ADCYAP1R1: variants seen among roughly 807,000 people sequenced by gnomAD.
ADCYAP1R1 encodes the protein ADCYAP receptor type I.
ADCYAP1R1 carries 44 observed loss-of-function variants against 67.6 expected under a neutral mutation model. The ratio of observed to expected loss-of-function variants is 0.65; its 90% CI spans 0.51 to 0.84. The LOEUF is 0.84. Ranked by LOEUF, ADCYAP1R1 falls within the 40% of genes least tolerant of loss-of-function variation. The pLI is 0.00. For synonymous variants in ADCYAP1R1, 222 were observed against 219.6 expected (o/e 1.01, Z -0.10); for missense variants, 477 against 587.9 (o/e 0.81, Z 1.95).
intron 1 of ADCYAP1R1, among the ~76,000 whole-genome samples, chr7:31,057,265 C>A (rs758284993): frequency 6.6e-6 from 1 of 152,202 alleles, no homozygotes. Flanking sequence ...CCTCCTCTTA[C>A]CTGGCCCAGG....
At chr7:31,078,983 C>G (rs1453742638) in intron 4 of ADCYAP1R1, among the ~76,000 whole-genome samples, 1 of 152,118 alleles carries the variant, frequency 6.6e-6, no homozygotes, top group Non-Finnish European at 1.5e-5. Context: ...GTGGAGATAT[C>G]CAGGGGCCAC....
chr7:31,066,915 C>G (rs1375768503), intron 3 of ADCYAP1R1, among the ~76,000 whole-genome samples: 1 of 151,158 alleles, frequency 6.6e-6, no homozygotes, highest in Admixed American at 6.6e-5. Context: ...ATTTGGAACT[C>G]AGTATTGGAG....
chr7:31,101,107 T>C (rs1025379428), intron 13 of ADCYAP1R1, among the ~76,000 whole-genome samples: 3 of 152,152 alleles, frequency 2.0e-5, no homozygotes, highest in African/African-American at 7.2e-5. Context: ...TACTGCCCCA[T>C]TTGCCAAAGT....
At position 31,064,850 on chromosome 7, in the gene ADCYAP1R1, A is replaced by C; in HGVS notation, c.71A>C (p.Asp24Ala). The change falls in exon 3 of 16, where the codon GAC becomes GCC. Residue 24 changes from aspartate (D) to alanine (A), a missense_variant. Transcript: ENST00000304166. ...CTACAGGCCCCTGCCATGCATTCTGACTGCATCTTCAAGAAGGAGCAAGCC... is the reference window on the plus strand; with the variant it reads ...CTACAGGCCCCTGCCATGCATTCTGCCTGCATCTTCAAGAAGGAGCAAGCC... Reference protein sequence around the residue: ...LLPMAPAMHSDCIFKKEQAMC... With the variant: ...LLPMAPAMHSACIFKKEQAMC... 6.2e-7 allele frequency: 1 copy of C among 1,612,612 alleles called. No individual in the cohort carries two copies. The highest frequency in any genetic ancestry group is 1.3e-5 in the African/African-American group (1 of 74,998).
chr7:31,056,237 C>T (rs555127569), intron 1 of ADCYAP1R1, among the ~76,000 whole-genome samples: 1 of 152,272 alleles, frequency 6.6e-6, no homozygotes, highest in Non-Finnish European at 1.5e-5. Flanking sequence ...CCTGAGTGGG[C>T]TTCCTGGAGG....
intron 1 of ADCYAP1R1, among the ~76,000 whole-genome samples, chr7:31,056,560 C>G (rs1266335015): frequency 6.6e-6 from 1 of 152,020 alleles, no homozygotes; most frequent in Non-Finnish European, 1.5e-5. Flanking sequence ...AGACACACCT[C>G]TCTCATTTTT....
At chr7:31,069,686 C>T (rs1794893857) in intron 3 of ADCYAP1R1, among the ~76,000 whole-genome samples, 1 of 151,986 alleles carries the variant, frequency 6.6e-6, no homozygotes, top group Non-Finnish European at 1.5e-5. Flanking sequence ...GGACCTCTAC[C>T]CTAAAGAGAA....
chr7:31,092,832 G>T (rs1442477011), intron 13 of ADCYAP1R1, 97 bp downstream of exon 13: 8 of 815,802 alleles, frequency 9.8e-6, no homozygotes, highest in Non-Finnish European at 1.4e-5. Context: ...TTGCTGATAG[G>T]GTGACCTAGC....
At chr7:31,064,686 C>T in intron 2 of ADCYAP1R1, 145 bp from the exon 3 acceptor site, 2 of 647,378 alleles carry the variant, frequency 3.1e-6, no homozygotes, top group Non-Finnish European at 5.4e-6. Flanking sequence ...TGTCAGGGCC[C>T]CTGCTGGCCC....
At chr7:31,061,425 G>A (rs1436617651) in intron 1 of ADCYAP1R1, among the ~76,000 whole-genome samples, 1 of 152,212 alleles carries the variant, frequency 6.6e-6, no homozygotes, top group African/African-American at 2.4e-5. Flanking sequence ...GGCCACCAGG[G>A]GCGTGGCAAG....
chr7:31,087,745 A>G, intron 12 of ADCYAP1R1, 49 bp downstream of exon 12: 1 of 1,493,504 alleles, frequency 6.7e-7, no homozygotes, highest in Non-Finnish European at 9.3e-7. Flanking sequence ...GGTCTTGGGC[A>G]GAAAGGCACG....
At chr7:31,063,990 C>G (rs1445123347) in intron 2 of ADCYAP1R1, among the ~76,000 whole-genome samples, 1 of 152,240 alleles carries the variant, frequency 6.6e-6, no homozygotes, top group African/African-American at 2.4e-5. Flanking sequence ...CCCCTGGGAA[C>G]CATCCCTGCC....
At chr7:31,054,064 C>A (rs1474997959) in intron 1 of ADCYAP1R1, among the ~76,000 whole-genome samples, 1 of 152,166 alleles carries the variant, frequency 6.6e-6, no homozygotes, top group Non-Finnish European at 1.5e-5. Context: ...TTCTGCTCCT[C>A]ACTGACCTTG....
At chr7:31,084,054 T>C in intron 6 of ADCYAP1R1, 87 bp from the exon 7 acceptor site, 1 of 1,168,436 alleles carries the variant, frequency 8.6e-7, no homozygotes, top group South Asian at 1.3e-5. Flanking sequence ...TTTCCAGGAA[T>C]TCCCACTGAA....
chr7:31,090,721 G>A (rs903137765), intron 12 of ADCYAP1R1, among the ~76,000 whole-genome samples: 1 of 152,208 alleles, frequency 6.6e-6, no homozygotes, highest in Admixed American at 6.5e-5. Context: ...GCCTCCAGCT[G>A]TGTCCATGTT....
intron 1 of ADCYAP1R1, among the ~76,000 whole-genome samples, chr7:31,058,617 A>G (rs1404791254): frequency 6.6e-6 from 1 of 152,108 alleles, no homozygotes; most frequent in Non-Finnish European, 1.5e-5. Context: ...GGTGGGCTTT[A>G]AAGTCTATTT....
intron 1 of ADCYAP1R1, among the ~76,000 whole-genome samples, chr7:31,057,611 GT>G (rs1292943502): frequency 6.6e-6 from 1 of 151,964 alleles, no homozygotes; most frequent in African/African-American, 2.4e-5. Flanking sequence ...TGGCCCAGGA[GT>G]TTGTCTGTGC....
intron 1 of ADCYAP1R1, among the ~76,000 whole-genome samples, chr7:31,053,736 G>A (rs972588471): frequency 6.6e-5 from 10 of 152,296 alleles, no homozygotes; most frequent in Admixed American, 5.9e-4. Flanking sequence ...AAGCCCCCCT[G>A]GCCCTCTCCA....
chr7:31,080,682 G>T, intron 5 of ADCYAP1R1, 49 bp downstream of exon 5: 1 of 1,602,678 alleles, frequency 6.2e-7, no homozygotes, highest in Non-Finnish European at 8.5e-7. Context: ...TGTCCATCCA[G>T]CAGGAGCCCA....
Sources: gnomAD v4.1 joint callset for allele counts (sites outside exome capture counted in the v4.1 genomes callset) on GRCh38, gnomAD v4.1.1 for gene constraint, MANE v1.5 for transcripts, NCBI Gene and HGNC (gene_info 2026-07-23, HGNC 2026-07-21) for gene names.